LRCH1: variants seen among roughly 807,000 people sequenced by gnomAD.
LRCH1 encodes leucine rich repeats and calponin homology domain containing 1, also known as leucine-rich repeat and calponin homology domain-containing protein 1.
A neutral mutation model predicts 94.9 loss-of-function variants in LRCH1; 23 were observed. The observed-to-expected ratio is 0.24, with a 90% CI of 0.17 to 0.34. The LOEUF is 0.34. LRCH1 is among the 10% of genes least tolerant of loss of function. The pLI is 1.00. For synonymous variants in LRCH1, 364 were observed against 354.9 expected (o/e 1.03, Z -0.29); for missense variants, 790 against 945.9 (o/e 0.84, Z 2.16).
chr13:46,674,540 T>C (rs1314723629), intron 3 of LRCH1, among the ~76,000 whole-genome samples: 1 of 152,216 alleles, frequency 6.6e-6, no homozygotes, highest in Non-Finnish European at 1.5e-5. Flanking sequence ...TTTCTGACCT[T>C]CCTGGCTGCT....
intron 17 of LRCH1, among the ~76,000 whole-genome samples, chr13:46,726,120 G>A (rs756590426): frequency 4.6e-5 from 7 of 152,086 alleles, no homozygotes; most frequent in African/African-American, 1.7e-4. Flanking sequence ...AGTTAAAAGG[G>A]GCTTTTGTTG....
intron 11 of LRCH1, among the ~76,000 whole-genome samples, chr13:46,702,173 A>G (rs1300994711): frequency 2.0e-5 from 3 of 149,972 alleles, no homozygotes; most frequent in African/African-American, 7.4e-5. Context: ...GCTTTCTGAG[A>G]ATTTAGAATA....
chr13:46,645,505 G>A (rs2051209056), intron 1 of LRCH1, among the ~76,000 whole-genome samples: 1 of 152,116 alleles, frequency 6.6e-6, no homozygotes, highest in Non-Finnish European at 1.5e-5. Flanking sequence ...GAATATTTTT[G>A]ATTTAATATA....
intron 13 of LRCH1, among the ~76,000 whole-genome samples, chr13:46,707,832 G>T (rs1301344214): frequency 6.6e-6 from 1 of 152,158 alleles, no homozygotes; most frequent in African/African-American, 2.4e-5. Flanking sequence ...CATGTGTCAA[G>T]CACCACTCTG....
intron 1 of LRCH1, among the ~76,000 whole-genome samples, chr13:46,589,900 A>ATTT (rs113727855): frequency 6.7e-5 from 9 of 134,402 alleles, no homozygotes; most frequent in African/African-American, 1.9e-4. Context: ...TGTGCCTGGG[A>ATTT]TTTTTTTTTT....
At chr13:46,750,712 C>T (rs1257658710) in exon 19 of LRCH1, 2 of 1,164,288 alleles carry the variant, frequency 1.7e-6, no homozygotes, top group Non-Finnish European at 1.2e-6. Flanking sequence ...GAACTCTGCT[C>T]CAGGCACCTG....
intron 19 of LRCH1, among the ~76,000 whole-genome samples, chr13:46,741,238 G>A (rs969216144): frequency 2.0e-5 from 3 of 152,110 alleles, no homozygotes; most frequent in African/African-American, 7.2e-5. Context: ...GTGGGGGTAG[G>A]GATTCCATTT....
chr13:46,625,098 ATC>A (rs2050928978), intron 1 of LRCH1, among the ~76,000 whole-genome samples: 1 of 152,170 alleles, frequency 6.6e-6, no homozygotes, highest in Non-Finnish European at 1.5e-5. Flanking sequence ...GTGCCATTTT[ATC>A]TGTTTGGATT....
intron 1 of LRCH1, among the ~76,000 whole-genome samples, chr13:46,612,865 CA>C (rs1394526434): frequency 6.6e-6 from 1 of 151,980 alleles, no homozygotes; most frequent in African/African-American, 2.4e-5. Flanking sequence ...ATACATTGGC[CA>C]ATTAGGAACT....
At chr13:46,594,097 G>T (rs893428951) in intron 1 of LRCH1, among the ~76,000 whole-genome samples, 1 of 152,128 alleles carries the variant, frequency 6.6e-6, no homozygotes, top group Non-Finnish European at 1.5e-5. Flanking sequence ...GAAGTAACTT[G>T]CCAAGAACAG....
At chr13:46,566,453 T>C (rs2050185663) in intron 1 of LRCH1, among the ~76,000 whole-genome samples, 1 of 152,164 alleles carries the variant, frequency 6.6e-6, no homozygotes, top group African/African-American at 2.4e-5. Context: ...GGAATAATGT[T>C]TGTAGGGCCA....
chr13:46,656,509 C>T (rs900733816), intron 2 of LRCH1, among the ~76,000 whole-genome samples: 1 of 152,162 alleles, frequency 6.6e-6, no homozygotes, highest in Non-Finnish European at 1.5e-5. Context: ...TCGAGCTGGT[C>T]TTTGGTAGCC....
Position 46,613,507 on chromosome 13 carries a change from G to C in LRCH1, c.308-36694G>C, listed in dbSNP as rs1188652584. 2.0e-5 allele frequency among the ~76,000 whole-genome samples: 3 copies of C among 151,862 alleles called. No individual in the cohort carries two copies. In the East Asian group the frequency reaches 5.8e-4, roughly 29 times the overall value. On this transcript the variant is annotated intron_variant, in intron 1 of 19. Coordinates refer to ENST00000389797, the MANE Select transcript of LRCH1 (RefSeq NM_001164211.2). Reference sequence around the variant, plus strand: ...TCCTTAATGATAAGCCCTCAGCTTTGCTCAGGACTCAGCCTCCCATGTGGT... The same window carrying C: ...TCCTTAATGATAAGCCCTCAGCTTTCCTCAGGACTCAGCCTCCCATGTGGT...
At chr13:46,703,474 T>G (rs749312278) in intron 11 of LRCH1, among the ~76,000 whole-genome samples, 1 of 152,196 alleles carries the variant, frequency 6.6e-6, no homozygotes, top group Non-Finnish European at 1.5e-5. Flanking sequence ...AGAAGTAACT[T>G]AGTATGTAAC....
chr13:46,750,771 A>G (rs1330125888), exon 19 of LRCH1: 1 of 637,016 alleles, frequency 1.6e-6, no homozygotes, highest in East Asian at 2.9e-5. Context: ...GACTCCAGTT[A>G]CATTGAAACA....
At chr13:46,749,757 A>T (rs1272471887), downstream of LRCH1, among the ~76,000 whole-genome samples, 1 of 152,226 alleles carries the variant, frequency 6.6e-6, no homozygotes, top group Non-Finnish European at 1.5e-5. Flanking sequence ...CTCTTGAATG[A>T]TATCAGACCA....
chr13:46,559,275 T>C (rs780649532), intron 1 of LRCH1, among the ~76,000 whole-genome samples: 19 of 152,260 alleles, frequency 1.2e-4, no homozygotes, highest in Non-Finnish European at 2.5e-4. Flanking sequence ...GAATTATCGT[T>C]CTGCTATTGA....
intron 8 of LRCH1, 92 bp from the exon 9 acceptor site, chr13:46,694,801 T>C: frequency 7.2e-7 from 1 of 1,393,962 alleles, no homozygotes; most frequent in Non-Finnish European, 1.0e-6. Flanking sequence ...CACAGAAGAC[T>C]TGAAGTGATT....
At chr13:46,605,494 T>A (rs1424774608) in intron 1 of LRCH1, among the ~76,000 whole-genome samples, 1 of 152,270 alleles carries the variant, frequency 6.6e-6, no homozygotes, top group East Asian at 1.9e-4. Context: ...GTATATGTGC[T>A]GAAGATGAGG....
Sources: gnomAD v4.1 joint callset for allele counts (sites outside exome capture counted in the v4.1 genomes callset) on GRCh38, gnomAD v4.1.1 for gene constraint, MANE v1.5 for transcripts, NCBI Gene and HGNC (gene_info 2026-07-23, HGNC 2026-07-21) for gene names.